MR1: variants seen among roughly 807,000 people sequenced by gnomAD.
MR1 encodes the protein major histocompatibility complex class I-related protein 1.
Under a neutral mutation model 37.8 loss-of-function variants are expected in MR1, and 44 were observed. The ratio of observed to expected loss-of-function variants is 1.16; its 90% CI spans 0.91 to 1.50. The LOEUF is 1.50. Ranked by LOEUF, MR1 falls within the 40% of genes most tolerant of loss-of-function variation. The pLI is 0.00. For missense variants in MR1, 386 were observed against 419.1 expected, an observed-to-expected ratio of 0.92 and a Z score of 0.69; for synonymous variants, 153 against 155.8, an observed-to-expected ratio of 0.98 and a Z score of 0.13.
chr1:181,044,415 G>A (rs1257922117), intron 1 of MR1, among the ~76,000 whole-genome samples: 1 of 152,232 alleles, frequency 6.6e-6, no homozygotes, highest in East Asian at 1.9e-4. Context: ...GCAGCAGCAG[G>A]GTGGGCAATC....
At chr1:181,051,904 T>G (rs1185694360) in intron 3 of MR1, among the ~76,000 whole-genome samples, 1 of 152,234 alleles carries the variant, frequency 6.6e-6, no homozygotes, top group African/African-American at 2.4e-5. Context: ...CTTACACATT[T>G]TATGGGTCAG....
In MR1 at chr1:181,057,575, C is replaced by CA. The variant is rs1200735366; in HGVS notation, c.*2311dup. On this transcript the variant is annotated 3_prime_UTR_variant, in exon 6 of 6. Transcript: ENST00000367580. ...TTCCAAGGCCTTGCCCTACACCTAA[C>CA]ACATAATATGTCCAAATGGATGAAG... The CA allele has an allele frequency of 6.6e-6, 1 of 152,202 alleles. No homozygotes were observed. The highest frequency in any genetic ancestry group is 1.5e-5 in the Non-Finnish European group (1 of 68,040). The allele number at this position is 152,202 out of a possible 1,614,324, so 9.4% of individuals were successfully genotyped here.
intron 1 of MR1, among the ~76,000 whole-genome samples, chr1:181,036,575 C>A (rs1237348838): frequency 6.6e-6 from 1 of 152,162 alleles, no homozygotes; most frequent in Non-Finnish European, 1.5e-5. Context: ...TGGGTCATTA[C>A]TCCAGGAAAT....
chr1:181,040,933 T>G (rs1288913506), intron 1 of MR1, among the ~76,000 whole-genome samples: 1 of 151,770 alleles, frequency 6.6e-6, no homozygotes, highest in Non-Finnish European at 1.5e-5. Flanking sequence ...AATAAAAAAA[T>G]TAGCTGGGTG....
intron 1 of MR1, among the ~76,000 whole-genome samples, chr1:181,040,903 G>A (rs1314815904): frequency 3.3e-5 from 5 of 152,046 alleles, no homozygotes; most frequent in African/African-American, 1.2e-4. Context: ...CCAACGTGGT[G>A]AAACCCCATC....
chr1:181,041,921 G>T (rs114046628), intron 1 of MR1, among the ~76,000 whole-genome samples: 29 of 152,212 alleles, frequency 1.9e-4, no homozygotes, highest in African/African-American at 6.0e-4. Flanking sequence ...GTTTGGTCTG[G>T]TACAAGCTTA....
chr1:181,049,541 C>T (rs1190771807), intron 2 of MR1: 1 of 590,864 alleles, frequency 1.7e-6, no homozygotes, highest in South Asian at 2.1e-5. Flanking sequence ...TCTTCCCCAT[C>T]TCTGTATCCG....
At chr1:181,043,961 CTTTTT>C (rs11347634) in intron 1 of MR1, among the ~76,000 whole-genome samples, 1 of 98,200 alleles carries the variant, frequency 1.0e-5, no homozygotes. Flanking sequence ...TTTGTCTGAT[CTTTTT>C]TTTTTTTTTT....
Position 181,055,783 on chromosome 1 carries a change from G to T in MR1, c.*518G>T, listed in dbSNP as rs1658581077. ...GGGCACCATGACTGTGACCCTACAG[G>T]TAGGATTGGATCACTCCATGAGAGT... On this transcript the variant is annotated 3_prime_UTR_variant, in exon 6 of 6. Transcript: ENST00000367580. 1 of 158,444 alleles carries T rather than the reference G, an allele frequency of 6.3e-6. No individual in the cohort carries two copies. The highest frequency in any genetic ancestry group is 2.4e-5 in the African/African-American group (1 of 41,504). The allele number at this position is 158,444 out of a possible 1,614,324, so 9.8% of individuals were successfully genotyped here. A position where few individuals can be genotyped will look rare whatever the true frequency, so the allele number is the denominator to read the frequency against.
Position 181,053,590 on chromosome 1 carries a change from C to T in MR1, c.898C>T (p.Leu300Phe). Reference sequence around the variant, plus strand: ...GCTTTCAGAATCAGAAACTATCCCTCTTGTGATGAAAGCTGTCTCTGGGTC... The same window carrying T: ...GCTTTCAGAATCAGAAACTATCCCTTTTGTGATGAAAGCTGTCTCTGGGTC... ...QVPQESETIP[L>F]VMKAVSGSIV... The change falls in exon 5 of 6, where the codon CTT becomes TTT. Residue 300 changes from leucine to phenylalanine, a missense_variant. Leu to Phe is a conservative substitution (Grantham distance 22). Transcript: ENST00000367580. 6.2e-7 allele frequency: 1 copy of T among 1,613,740 alleles called. No homozygotes were observed. Among genetic ancestry groups the T allele is most frequent in the Non-Finnish European group, 8.5e-7 (1 of 1,179,674 alleles).
chr1:181,044,173 C>A (rs1278595324), intron 1 of MR1, among the ~76,000 whole-genome samples: 2 of 152,036 alleles, frequency 1.3e-5, no homozygotes, highest in East Asian at 3.9e-4. Flanking sequence ...CCATGTTAGC[C>A]AGGTTGGTCT....
intron 1 of MR1, among the ~76,000 whole-genome samples, chr1:181,037,428 G>A (rs1657333843): frequency 6.6e-6 from 1 of 152,126 alleles, no homozygotes; most frequent in Admixed American, 6.6e-5. Context: ...CTCCCCTAAG[G>A]CCCTCTTCTT....
intron 1 of MR1, among the ~76,000 whole-genome samples, chr1:181,043,405 G>A (rs1657672836): frequency 6.6e-6 from 1 of 152,240 alleles, no homozygotes; most frequent in Non-Finnish European, 1.5e-5. Context: ...CCAGCTCCAG[G>A]AGCAAGGAGA....
intron 1 of MR1, among the ~76,000 whole-genome samples, chr1:181,046,413 G>T (rs1447727166): frequency 6.6e-6 from 1 of 152,196 alleles, no homozygotes. Context: ...GTCTAGCTCA[G>T]GGTTTGTGAC....
At chr1:181,041,072 ACT>A (rs1431457781) in intron 1 of MR1, among the ~76,000 whole-genome samples, 1 of 140,330 alleles carries the variant, frequency 7.1e-6, no homozygotes, top group African/African-American at 2.7e-5. Flanking sequence ...ACAGAGTGAG[ACT>A]CTGTCTCAAT....
intron 3 of MR1, among the ~76,000 whole-genome samples, chr1:181,051,485 G>C (rs115514225): frequency 6.6e-6 from 1 of 152,062 alleles, no homozygotes; most frequent in Non-Finnish European, 1.5e-5. Flanking sequence ...TGATAAGGTG[G>C]GGGTCAGGAG....
At chr1:181,042,592 G>A (rs1387475596) in intron 1 of MR1, among the ~76,000 whole-genome samples, 5 of 150,888 alleles carry the variant, frequency 3.3e-5, no homozygotes, top group Admixed American at 1.3e-4. Flanking sequence ...ACCTGAGGTC[G>A]GGAGTTCAAG....
At chr1:181,043,371 T>C (rs1335231283) in intron 1 of MR1, among the ~76,000 whole-genome samples, 2 of 152,196 alleles carry the variant, frequency 1.3e-5, no homozygotes, top group African/African-American at 4.8e-5. Flanking sequence ...ATACCTACTC[T>C]GAACCCTGCC....
At chr1:181,034,114 C>A in intron 1 of MR1, 40 bp downstream of exon 1, 2 of 1,584,706 alleles carry the variant, frequency 1.3e-6, no homozygotes, top group Non-Finnish European at 1.7e-6. Context: ...ACTCCAAAGT[C>A]GAGGCAGCCT....
Sources: gnomAD v4.1 joint callset for allele counts (sites outside exome capture counted in the v4.1 genomes callset) on GRCh38, gnomAD v4.1.1 for gene constraint, MANE v1.5 for transcripts, NCBI Gene and HGNC (gene_info 2026-07-23, HGNC 2026-07-21) for gene names.